The following TM9SF3 variants were observed in gnomAD, a reference collection of about 807,000 sequenced individuals.
TM9SF3 encodes SM-11044-binding protein.
TM9SF3 carries 14 observed loss-of-function variants against 78.6 expected under a neutral mutation model. That is an observed-to-expected ratio of 0.18 (90% CI 0.12 to 0.28). The LOEUF (loss-of-function observed/expected upper bound fraction) is 0.28. TM9SF3 is among the 10% of genes least tolerant of loss of function. The pLI is 1.00. For missense variants in TM9SF3, 496 were observed against 721.9 expected, an observed-to-expected ratio of 0.69 and a Z score of 3.59; for synonymous variants, 231 against 241.7, an observed-to-expected ratio of 0.96 and a Z score of 0.41.
Position 96,527,504 on chromosome 10 carries a change from G to A in TM9SF3, c.1542-8C>T, listed in dbSNP as rs3789957. The A allele has an allele frequency of 3.1e-6, 5 of 1,601,516 alleles. No individual in the cohort carries two copies. Among genetic ancestry groups the A allele is most frequent in the Non-Finnish European group, 4.3e-6 (5 of 1,172,942 alleles). ...AGAAAACTTGTCCATTGCCTGGTGG[G>A]GGGAGGGGGAAAGAAGATAAATCTC... On this transcript the variant is annotated splice_region_variant and splice_polypyrimidine_tract_variant and intron_variant, in intron 12 of 14. Coordinates refer to ENST00000371142, the MANE Select transcript of TM9SF3 (RefSeq NM_020123.4).
chr10:96,583,599 C>T (rs1051657747), intron 1 of TM9SF3, among the ~76,000 whole-genome samples: 1 of 152,188 alleles, frequency 6.6e-6, no homozygotes, highest in Non-Finnish European at 1.5e-5. Flanking sequence ...AAGTTCAAAT[C>T]CCACCTCTAC....
Position 96,521,479 on chromosome 10 carries a change from GT to G in TM9SF3, c.*783del, listed in dbSNP as rs1847771941. On this transcript the variant is annotated 3_prime_UTR_variant, in exon 15 of 15. Coordinates refer to ENST00000371142, the MANE Select transcript of TM9SF3 (RefSeq NM_020123.4). ...ATGTAGTTTATCTAAATCTCAAAAT[GT>G]TTAATAAAAACAAGTATCTTCTCCA... The G allele has an allele frequency of 6.6e-6, 1 of 152,260 alleles. No individual in the cohort carries two copies. The highest frequency in any genetic ancestry group is 1.5e-5 in the Non-Finnish European group (1 of 67,824). The allele number at this position is 152,260 out of a possible 1,614,324, so 9.4% of individuals were successfully genotyped here. A position where few individuals can be genotyped will look rare whatever the true frequency, so the allele number is the denominator to read the frequency against.
chr10:96,525,181 TA>T (rs1847823910), intron 14 of TM9SF3, among the ~76,000 whole-genome samples: 1 of 151,804 alleles, frequency 6.6e-6, no homozygotes, highest in South Asian at 2.1e-4. Context: ...TCAGATAAAA[TA>T]AAGAGGAGTC....
At chr10:96,539,357 CA>C (rs1230943852) in intron 9 of TM9SF3, among the ~76,000 whole-genome samples, 4 of 126,654 alleles carry the variant, frequency 3.2e-5, no homozygotes, top group Non-Finnish European at 5.0e-5. Context: ...GACCCAGTCT[CA>C]AAAAAAAAAT....
chr10:96,567,457 T>C (rs1442839619), intron 2 of TM9SF3, among the ~76,000 whole-genome samples: 1 of 152,172 alleles, frequency 6.6e-6, no homozygotes, highest in Non-Finnish European at 1.5e-5. Context: ...CCAACTGATA[T>C]ATCTGCCTCT....
intron 5 of TM9SF3, among the ~76,000 whole-genome samples, chr10:96,556,392 G>A (rs969844073): frequency 6.6e-6 from 1 of 152,132 alleles, no homozygotes; most frequent in African/African-American, 2.4e-5. Flanking sequence ...TCACTATTAA[G>A]GGAACAGAAG....
chr10:96,560,321 C>T (rs1435891824), intron 4 of TM9SF3: 21 of 746,518 alleles, frequency 2.8e-5, no homozygotes, highest in African/African-American at 1.0e-4. Context: ...TCTTTAAGAA[C>T]GGTCAGTTTA....
rs890354253 is a variant in TM9SF3 at position 96,527,682 on chromosome 10, A to G, written c.1542-186T>C. ...AAACATCTAAGAATTAGAAAGCTCA[A>G]TCTTGAATTTTGTCAGATTCCCTAT... On this transcript the variant is annotated intron_variant, in intron 12 of 14. Coordinates refer to ENST00000371142, the MANE Select transcript of TM9SF3 (RefSeq NM_020123.4). 11 of 556,522 alleles carry G rather than the reference A, an allele frequency of 2.0e-5. No homozygotes were observed. The East Asian group carries it at 2.4e-4, about 12-fold the overall frequency. 34.5% of individuals were successfully genotyped at this position (556,522 alleles called of 1,614,324 possible). A position where few individuals can be genotyped will look rare whatever the true frequency, so the allele number is the denominator to read the frequency against.
intron 8 of TM9SF3, among the ~76,000 whole-genome samples, chr10:96,547,011 A>G (rs554947375): frequency 3.3e-5 from 5 of 152,362 alleles, no homozygotes; most frequent in Non-Finnish European, 5.9e-5. Context: ...CCACTGCAGA[A>G]AAAAACACCA....
chr10:96,541,943 A>G (rs972191469), intron 9 of TM9SF3, among the ~76,000 whole-genome samples: 4 of 152,202 alleles, frequency 2.6e-5, no homozygotes, highest in Non-Finnish European at 4.4e-5. Context: ...GGAATCAGGT[A>G]AACACTACAG....
intron 2 of TM9SF3, among the ~76,000 whole-genome samples, chr10:96,575,094 T>G (rs926562117): frequency 7.9e-5 from 12 of 151,986 alleles, no homozygotes; most frequent in Non-Finnish European, 4.4e-5. Context: ...ATTGCTGAAT[T>G]AAGTACTCTT....
intron 5 of TM9SF3, among the ~76,000 whole-genome samples, chr10:96,553,421 C>T (rs113491592): frequency 1.3e-5 from 2 of 152,090 alleles, no homozygotes; most frequent in Admixed American, 1.3e-4. Flanking sequence ...ACTATGTGAC[C>T]GCGGTTTTCT....
intron 9 of TM9SF3, among the ~76,000 whole-genome samples, chr10:96,536,295 T>C (rs1479762547): frequency 6.6e-6 from 1 of 152,152 alleles, no homozygotes; most frequent in African/African-American, 2.4e-5. Flanking sequence ...AACATTATAC[T>C]GCAGGTTTTA....
At chr10:96,552,385 G>A (rs1259832515) in intron 6 of TM9SF3, among the ~76,000 whole-genome samples, 1 of 152,078 alleles carries the variant, frequency 6.6e-6, no homozygotes, top group African/African-American at 2.4e-5. Flanking sequence ...TGAGTTTGAA[G>A]TTACAGTGAG....
intron 3 of TM9SF3, among the ~76,000 whole-genome samples, chr10:96,564,772 C>T (rs749722696): frequency 1.1e-4 from 17 of 152,172 alleles, no homozygotes; most frequent in Non-Finnish European, 1.9e-4. Flanking sequence ...TCAAGTCCAA[C>T]ATAAATGATT....
At chr10:96,574,437 A>C (rs185657583) in intron 2 of TM9SF3, among the ~76,000 whole-genome samples, 2 of 152,328 alleles carry the variant, frequency 1.3e-5, no homozygotes, top group Non-Finnish European at 2.9e-5. Flanking sequence ...GATGCTGGAG[A>C]GGATGGGAGA....
chr10:96,537,574 TG>T (rs1313506970), intron 9 of TM9SF3, among the ~76,000 whole-genome samples: 6 of 152,204 alleles, frequency 3.9e-5, no homozygotes, highest in African/African-American at 1.2e-4. Context: ...GGCTCATGCC[TG>T]TAATCCCAGC....
At chr10:96,536,010 T>C (rs138596386) in intron 9 of TM9SF3, among the ~76,000 whole-genome samples, 250 of 152,268 alleles carry the variant, frequency 1.6e-3, no homozygotes, top group Middle Eastern at 3.4e-3. Context: ...GATTAAAGAT[T>C]AGAAAATTAA....
chr10:96,569,697 CAAAGAAGG>C (rs1232498766), intron 2 of TM9SF3, among the ~76,000 whole-genome samples: 1 of 151,888 alleles, frequency 6.6e-6, no homozygotes, highest in Non-Finnish European at 1.5e-5. Context: ...AAAAGAAAAC[CAAAGAAGG>C]ATGGAAGGAA....
Sources: gnomAD v4.1 joint callset for allele counts (sites outside exome capture counted in the v4.1 genomes callset) on GRCh38, gnomAD v4.1.1 for gene constraint, MANE v1.5 for transcripts, NCBI Gene and HGNC (gene_info 2026-07-23, HGNC 2026-07-21) for gene names.